GRIA3: variants seen among roughly 807,000 people sequenced by gnomAD.
GRIA3 encodes glutamate receptor 3.
GRIA3 carries 3 observed loss-of-function variants against 63.0 expected under a neutral mutation model. The ratio of observed to expected loss-of-function variants is 0.05; its 90% CI spans 0.02 to 0.12. GRIA3 has a LOEUF of 0.12. GRIA3 is among the 10% of genes least tolerant of loss of function. The pLI is 1.00. For synonymous variants in GRIA3, 274 were observed against 257.9 expected (o/e 1.06, Z -0.60); for missense variants, 347 against 700.9 (o/e 0.50, Z 5.70).
intron 4 of GRIA3, among the ~76,000 whole-genome samples, chrX:123,339,788 T>G (rs2044997656): frequency 8.9e-6 from 1 of 112,564 alleles, no homozygotes; most frequent in Non-Finnish European, 1.9e-5. Flanking sequence ...TCAGATGTCA[T>G]AAGACAGAAC....
intron 5 of GRIA3, among the ~76,000 whole-genome samples, chrX:123,365,724 G>C (rs967403439): frequency 1.8e-5 from 2 of 111,658 alleles, no homozygotes; most frequent in African/African-American, 6.5e-5. Flanking sequence ...TTAGATGCTT[G>C]GGCCTCATAC....
chrX:123,254,039 G>C (rs141196320), intron 3 of GRIA3, among the ~76,000 whole-genome samples: 1,902 of 112,013 alleles, frequency 0.017, 38 homozygotes, highest in African/African-American at 0.059. Context: ...CATTCCATCA[G>C]ATCACATTAG....
intron 12 of GRIA3, among the ~76,000 whole-genome samples, chrX:123,449,585 T>A (rs780182614): frequency 8.9e-6 from 1 of 112,092 alleles, no homozygotes; most frequent in East Asian, 2.8e-4. Flanking sequence ...CCACCTTTTT[T>A]AAATCAGCAT....
chrX:123,417,869 AT>A (rs1275641538), intron 11 of GRIA3, 91 bp downstream of exon 11: 4 of 812,966 alleles, frequency 4.9e-6, no homozygotes, highest in Admixed American at 4.5e-5. Context: ...TCAACTCCAG[AT>A]TTTTTTCATT....
chrX:123,423,096 T>G (rs891215914), intron 11 of GRIA3, among the ~76,000 whole-genome samples: 1 of 112,063 alleles, frequency 8.9e-6, no homozygotes, highest in Non-Finnish European at 1.9e-5. Context: ...TCTGTGCAGC[T>G]GCAGGGACAT....
At chrX:123,386,873 T>A (rs750806910) in intron 5 of GRIA3, among the ~76,000 whole-genome samples, 7 of 111,797 alleles carry the variant, frequency 6.3e-5, no homozygotes, top group Non-Finnish European at 1.1e-4. Context: ...TGGTGACACA[T>A]CTTGAAGTCA....
intron 10 of GRIA3, among the ~76,000 whole-genome samples, chrX:123,412,508 C>A (rs1180607691): frequency 2.7e-5 from 3 of 111,751 alleles, no homozygotes; most frequent in African/African-American, 9.8e-5. Flanking sequence ...TACATGCGGC[C>A]AAAAACTGCC....
At chrX:123,439,240 CCTCT>C (rs1383872814) in intron 12 of GRIA3, among the ~76,000 whole-genome samples, 1 of 111,817 alleles carries the variant, frequency 8.9e-6, no homozygotes, top group African/African-American at 3.2e-5. Context: ...CATTGTCCTC[CCTCT>C]GTTTTAAATG....
chrX:123,359,934 G>A (rs1294317148), intron 5 of GRIA3, among the ~76,000 whole-genome samples: 1 of 111,865 alleles, frequency 8.9e-6, no homozygotes, highest in Non-Finnish European at 1.9e-5. Flanking sequence ...TCTGCTGTTA[G>A]CAGTAGAGAG....
chrX:123,280,899 C>A (rs191655268), intron 3 of GRIA3, among the ~76,000 whole-genome samples: 1 of 111,413 alleles, frequency 9.0e-6, no homozygotes, highest in South Asian at 3.8e-4. Flanking sequence ...CATTTTCACA[C>A]CTGGATTCAC....
intron 5 of GRIA3, among the ~76,000 whole-genome samples, chrX:123,376,118 T>C (rs1335422451): frequency 8.9e-6 from 1 of 112,200 alleles, no homozygotes; most frequent in Non-Finnish European, 1.9e-5. Flanking sequence ...TCATTCTCTA[T>C]CTTATGTCCT....
At chrX:123,220,159 T>C (rs1928256903) in intron 2 of GRIA3, among the ~76,000 whole-genome samples, 1 of 112,186 alleles carries the variant, frequency 8.9e-6, no homozygotes, top group Non-Finnish European at 1.9e-5. Flanking sequence ...CTGAGTGCCC[T>C]GGGAGTGGGT....
chrX:123,310,203 G>A (rs915194837), intron 3 of GRIA3, among the ~76,000 whole-genome samples: 1 of 112,876 alleles, frequency 8.9e-6, no homozygotes, highest in South Asian at 3.6e-4. Context: ...TCCATCTCAA[G>A]AGTTGTCATC....
intron 4 of GRIA3, among the ~76,000 whole-genome samples, chrX:123,343,557 CAGAGAGAGAGAAAGCAAGAG>C (rs2045022819): frequency 9.3e-6 from 1 of 107,706 alleles, no homozygotes; most frequent in Non-Finnish European, 1.9e-5. Flanking sequence ...ATAACATATA[CAGAGAGAGAGAAAGCAAGAG>C]AGAGAGAGAG....
chrX:123,255,720 T>C (rs757605187), intron 3 of GRIA3, among the ~76,000 whole-genome samples: 5 of 109,077 alleles, frequency 4.6e-5, no homozygotes, highest in Admixed American at 1.0e-4. Flanking sequence ...GACAAGTCTA[T>C]GGTCTTGGAG....
chrX:123,393,642 T>C (rs2045397905), intron 5 of GRIA3, among the ~76,000 whole-genome samples: 1 of 112,409 alleles, frequency 8.9e-6, no homozygotes, highest in African/African-American at 3.2e-5. Context: ...TACTTTGAAA[T>C]GAACCCCAAA....
chrX:123,418,260 T>C (rs1480542302), intron 11 of GRIA3, among the ~76,000 whole-genome samples: 4 of 111,436 alleles, frequency 3.6e-5, no homozygotes, highest in African/African-American at 1.3e-4. Flanking sequence ...TGCCTACAAC[T>C]ATCCATTATA....
intron 5 of GRIA3, among the ~76,000 whole-genome samples, chrX:123,383,320 C>T (rs1418146733): frequency 4.5e-5 from 5 of 111,273 alleles, no homozygotes; most frequent in Non-Finnish European, 9.4e-5. Context: ...CCATGAAATA[C>T]ACAATACATT....
intron 12 of GRIA3, among the ~76,000 whole-genome samples, chrX:123,443,546 A>G (rs2045687464): frequency 9.0e-6 from 1 of 111,606 alleles, no homozygotes; most frequent in Non-Finnish European, 1.9e-5. Context: ...TGACAAATAT[A>G]TATCAGGAGC....
Sources: gnomAD v4.1 joint callset for allele counts (sites outside exome capture counted in the v4.1 genomes callset) on GRCh38, gnomAD v4.1.1 for gene constraint, MANE v1.5 for transcripts, NCBI Gene and HGNC (gene_info 2026-07-23, HGNC 2026-07-21) for gene names.